Variants in SLMAP observed in about 807,000 individuals in gnomAD.
SLMAP encodes sarcolemma associated protein.
In SLMAP, 44 loss-of-function variants were observed where a neutral mutation model predicts 128.8. That is an observed-to-expected ratio of 0.34 (90% CI 0.27 to 0.44). The LOEUF is 0.44. Ranked by LOEUF, SLMAP falls within the 20% of genes least tolerant of loss-of-function variation. The pLI, the probability that SLMAP is intolerant of heterozygous loss-of-function variation, is 1.00. For missense variants in SLMAP, 787 were observed against 985.3 expected (o/e 0.80, Z 2.69); for synonymous variants, 327 against 348.8 (o/e 0.94, Z 0.70).
At chr3:57,878,967 T>C (rs2153630537) in intron 14 of SLMAP, among the ~76,000 whole-genome samples, 1 of 152,362 alleles carries the variant, frequency 6.6e-6, no homozygotes, top group South Asian at 2.1e-4. Context: ...TCAGATAGTC[T>C]GTGCTATTTG....
At chr3:57,766,000 C>CTTTTTT (rs769246826) in intron 2 of SLMAP, among the ~76,000 whole-genome samples, 1 of 135,954 alleles carries the variant, frequency 7.4e-6, no homozygotes, top group Non-Finnish European at 1.6e-5. Flanking sequence ...GATTTTCTTT[C>CTTTTTT]TTTTTTTTTT....
At chr3:57,795,656 G>T (rs530386953) in intron 2 of SLMAP, among the ~76,000 whole-genome samples, 1 of 152,280 alleles carries the variant, frequency 6.6e-6, no homozygotes, top group Admixed American at 6.5e-5. Flanking sequence ...TGTCTTGGTG[G>T]TGTTGATTGT....
At chr3:57,805,136 C>T (rs879679609) in intron 2 of SLMAP, among the ~76,000 whole-genome samples, 1 of 152,062 alleles carries the variant, frequency 6.6e-6, no homozygotes, top group Non-Finnish European at 1.5e-5. Flanking sequence ...TCCTGATTTT[C>T]CTTTTACCTT....
At chr3:57,844,507 A>G (rs1420718615) in intron 4 of SLMAP, among the ~76,000 whole-genome samples, 1 of 152,128 alleles carries the variant, frequency 6.6e-6, no homozygotes, top group Non-Finnish European at 1.5e-5. Context: ...GTATATGCAT[A>G]TGAACTTAAT....
chr3:57,805,621 T>C (rs1397579492), intron 2 of SLMAP, among the ~76,000 whole-genome samples: 1 of 152,198 alleles, frequency 6.6e-6, no homozygotes, highest in African/African-American at 2.4e-5. Context: ...TTTAGTCTGG[T>C]ACTCTTCAAG....
rs566882498 is a variant in SLMAP at position 57,837,979 on chromosome 3, A to G, written c.347-3320A>G. Among the ~76,000 whole-genome samples the G allele has an allele frequency of 2.0e-5, 3 of 152,328 alleles. No homozygotes were observed. The South Asian group carries it at 6.2e-4, about 32-fold the overall frequency. On this transcript the variant is annotated intron_variant, in intron 3 of 24. Coordinates refer to ENST00000671191, the MANE Select transcript of SLMAP (RefSeq NM_001377540.1). ...TTTTTTAAATTGCCTTCAACTGTGC[A>G]GCAACTCTGTACTGCCCAGTCAATA...
At position 57,787,053 on chromosome 3, in the gene SLMAP, G is replaced by A. The variant is rs548500222; in HGVS notation, c.198+29204G>A. 8.5e-5 allele frequency among the ~76,000 whole-genome samples: 13 copies of A among 152,158 alleles called. No individual in the cohort carries two copies. The East Asian group carries it at 2.3e-3, about 27-fold the overall frequency. ...ACCCTGCCGAAAATTATGTAGTTTT[G>A]GGAGCCATCAAGTAAAAATGCATTA... On this transcript the variant is annotated intron_variant, in intron 2 of 24. Transcript: ENST00000671191.
rs1053363054 is a variant in SLMAP, at chr3:57,878,118, C to T, written c.1300+6420C>T. 3.9e-5 allele frequency among the ~76,000 whole-genome samples: 6 copies of T among 152,112 alleles called. No homozygotes were observed. The East Asian group carries it at 7.7e-4, about 20-fold the overall frequency. On this transcript the variant is annotated intron_variant, in intron 14 of 24. Coordinates refer to ENST00000671191, the MANE Select transcript of SLMAP (RefSeq NM_001377540.1). ...TTGGCCTCTCAAAGGGCTGGGATTA[C>T]AGGCATGAGCCACTGCACCCGGCCT...
intron 2 of SLMAP, among the ~76,000 whole-genome samples, chr3:57,819,013 C>T (rs1481493458): frequency 6.6e-6 from 1 of 152,194 alleles, no homozygotes; most frequent in Non-Finnish European, 1.5e-5. Context: ...CTGTACTAAA[C>T]TCACATAAGG....
chr3:57,871,892 A>G (rs2095487877), intron 14 of SLMAP, among the ~76,000 whole-genome samples, 194 bp downstream of exon 14: 1 of 152,228 alleles, frequency 6.6e-6, no homozygotes, highest in Non-Finnish European at 1.5e-5. Flanking sequence ...GCCTTCACAG[A>G]TGGAGCTGAG....
At chr3:57,916,122 C>T (rs1283878427) in intron 21 of SLMAP, among the ~76,000 whole-genome samples, 6 of 151,768 alleles carry the variant, frequency 4.0e-5, no homozygotes, top group Admixed American at 3.9e-4. Flanking sequence ...CACCATTGCA[C>T]TCCAGCCTGG....
At position 57,861,657 on chromosome 3, in the gene SLMAP, A is replaced by G. The variant is rs80243019; in HGVS notation, c.829-292A>G. Among the ~76,000 whole-genome samples the G allele has an allele frequency of 2.4e-4, 36 of 152,288 alleles. No individual in the cohort carries two copies. The East Asian group carries it at 3.1e-3, about 13-fold the overall frequency. Reference sequence around the variant, plus strand: ...AAATATTTTCACAGCTAAAAGTCATACCCATTGGCCTTTCAAAAATGTAAT... The same window carrying G: ...AAATATTTTCACAGCTAAAAGTCATGCCCATTGGCCTTTCAAAAATGTAAT... On this transcript the variant is annotated intron_variant, in intron 9 of 24. Coordinates refer to ENST00000671191, the MANE Select transcript of SLMAP (RefSeq NM_001377540.1).
chr3:57,860,760 A>G lies in SLMAP; in HGVS notation c.749A>G (p.Tyr250Cys). The change falls in exon 9 of 25, where the codon TAT (tyrosine) becomes TGT (cysteine). Residue 250 changes from tyrosine (Y) to cysteine (C), a missense_variant. By Grantham distance (194) the Tyr-to-Cys change is radical. Coordinates refer to ENST00000671191, the MANE Select transcript of SLMAP (RefSeq NM_001377540.1). ...GCATTACAAGAGGATAAACATAACT[A>G]TGAGACAACAGCCAAAGAGTCCCTG... is the stretch of plus-strand genomic sequence containing the variant. ...LIALQEDKHN[Y>C]ETTAKESLRR... is the part of the protein sequence containing the mutation. 1 of 1,600,120 alleles carries G rather than the reference A, an allele frequency of 6.2e-7. No homozygotes were observed. Among genetic ancestry groups the G allele is most frequent in the Non-Finnish European group, 8.5e-7 (1 of 1,176,566 alleles).
At chr3:57,896,736 A>G in intron 16 of SLMAP, 137 bp from the exon 17 acceptor site, 1 of 1,316,208 alleles carries the variant, frequency 7.6e-7, no homozygotes, top group East Asian at 2.4e-5. Flanking sequence ...TGAATGCTGG[A>G]TATTTTGTTA....
rs191567804 is a variant in SLMAP, at chr3:57,812,171, G to A, written c.199-19212G>A. On this transcript the variant is annotated intron_variant, in intron 2 of 24. Coordinates refer to ENST00000671191, the MANE Select transcript of SLMAP (RefSeq NM_001377540.1). ...AAATCCAATGTTGTGAAGCTTTTGC[G>A]CTATGTTTTCTTTTAAGAATTTTAT... 2.2e-3 allele frequency among the ~76,000 whole-genome samples: 338 copies of A among 152,162 alleles called. 2 individuals are homozygous for A. Among genetic ancestry groups the A allele is most frequent in the Non-Finnish European group, 2.1e-3 (143 of 67,982 alleles).
chr3:57,899,131 G>C (rs2096308010), intron 17 of SLMAP: 1 of 152,208 alleles, frequency 6.6e-6, no homozygotes, highest in African/African-American at 2.4e-5. Flanking sequence ...GGATTTGTTT[G>C]TAATGGATTT....
intron 14 of SLMAP, among the ~76,000 whole-genome samples, chr3:57,889,557 ATTTTTTTATTTC>A (rs2096003630): frequency 6.6e-6 from 1 of 152,068 alleles, no homozygotes; most frequent in Non-Finnish European, 1.5e-5. Context: ...ACAAAACAAA[ATTTTTTTATTTC>A]TTTGAATAGC....
intron 2 of SLMAP, among the ~76,000 whole-genome samples, chr3:57,779,435 G>A (rs1193704682): frequency 1.3e-5 from 2 of 150,858 alleles, no homozygotes; most frequent in African/African-American, 4.9e-5. Context: ...CTTGAGCCCA[G>A]GAAGTTGAGG....
In SLMAP at chr3:57,830,917, T is replaced by C. The variant is rs145225144; in HGVS notation, c.199-466T>C. On this transcript the variant is annotated intron_variant, in intron 2 of 24. Transcript: ENST00000671191. ...AGCATGTTATCAATACTTCACCCCT[T>C]TATTGCCAAATAATATTCAGTTATA... Among the ~76,000 whole-genome samples, 1,169 of 152,332 alleles carry C rather than the reference T, an allele frequency of 7.7e-3. 11 individuals are homozygous for C. The highest frequency in any genetic ancestry group is 0.037 in the Middle Eastern group (11 of 294).
Sources: gnomAD v4.1 joint callset for allele counts (sites outside exome capture counted in the v4.1 genomes callset) on GRCh38, gnomAD v4.1.1 for gene constraint, MANE v1.5 for transcripts, NCBI Gene and HGNC (gene_info 2026-07-23, HGNC 2026-07-21) for gene names.